Variants in MICAL2 observed in about 807,000 individuals in gnomAD.
MICAL2 encodes microtubule associated monooxygenase, calponin and LIM domain containing 2, also known as [F-actin]-monooxygenase MICAL2.
In MICAL2, 77 loss-of-function variants were observed where a neutral mutation model predicts 127.3. The ratio of observed to expected loss-of-function variants is 0.60; its 90% CI spans 0.50 to 0.73. The LOEUF (loss-of-function observed/expected upper bound fraction) is 0.73. MICAL2 is among the 30% of genes least tolerant of loss of function. MICAL2 has a pLI of 0.00. For synonymous variants in MICAL2, 570 were observed against 551.1 expected (o/e 1.03, Z -0.48); for missense variants, 1,351 against 1,434.4 (o/e 0.94, Z 0.94).
chr11:12,327,064 C>T (rs1312804195), intron 31 of MICAL2: 6 of 904,720 alleles, frequency 6.6e-6, no homozygotes, highest in Admixed American at 4.0e-5. Flanking sequence ...AAGGCAGGAC[C>T]ATCACAAGTG....
At chr11:12,171,926 A>T (rs1856309334) in intron 3 of MICAL2, among the ~76,000 whole-genome samples, 1 of 150,754 alleles carries the variant, frequency 6.6e-6, no homozygotes, top group African/African-American at 2.5e-5. Flanking sequence ...TAGTAAATAT[A>T]AAAAATGATT....
At chr11:12,224,617 G>A in intron 12 of MICAL2, 56 bp from the exon 13 acceptor site, 1 of 1,584,534 alleles carries the variant, frequency 6.3e-7, no homozygotes, top group South Asian at 1.1e-5. Context: ...GGAGCGCCAG[G>A]GCAGACCGTG....
At chr11:12,228,408 CT>C (rs1353117034) in intron 15 of MICAL2, among the ~76,000 whole-genome samples, 1 of 152,192 alleles carries the variant, frequency 6.6e-6, no homozygotes, top group East Asian at 1.9e-4. Flanking sequence ...TACTTCATTA[CT>C]TTGCCCCTAC....
Position 12,162,124 on chromosome 11 carries a change from G to A in MICAL2, c.-32G>A, listed in dbSNP as rs374819656. On this transcript the variant is annotated 5_prime_UTR_variant, in exon 3 of 28. Transcript: ENST00000683283. ...CTTCATGCTGTTCACCTGTGTCCTCGCCGCACCACTGCCGCACACGACTCC... is the reference window on the plus strand; with the variant it reads ...CTTCATGCTGTTCACCTGTGTCCTCACCGCACCACTGCCGCACACGACTCC... 5.0e-5 allele frequency: 81 copies of A among 1,613,048 alleles called. 1 individual carries two copies. Among genetic ancestry groups the A allele is most frequent in the South Asian group, 3.1e-4 (28 of 91,006 alleles).
In MICAL2 at chr11:12,325,476, G is replaced by A. The variant is rs571935954; in HGVS notation, c.5421+1406G>A. Among the ~76,000 whole-genome samples, 4 of 152,246 alleles carry A rather than the reference G, an allele frequency of 2.6e-5. No individual in the cohort carries two copies. The East Asian group carries it at 7.7e-4, about 29-fold the overall frequency. On this transcript the variant is annotated intron_variant, in intron 31 of 34. Coordinates refer to the MICAL2 transcript ENST00000646065. ...TGGGCTGCCATAACAAAGTACCACG[G>A]ACCGGATGGCTTAAACAACAGAAAC...
intron 29 of MICAL2, among the ~76,000 whole-genome samples, chr11:12,301,243 T>TA (rs920835373): frequency 2.6e-5 from 4 of 152,222 alleles, no homozygotes; most frequent in African/African-American, 9.6e-5. Flanking sequence ...TTCTGGGAGA[T>TA]ACAATTCAAG....
downstream of MICAL2, among the ~76,000 whole-genome samples, chr11:12,288,547 C>T (rs1863855555): frequency 6.6e-6 from 1 of 152,182 alleles, no homozygotes; most frequent in African/African-American, 2.4e-5. Flanking sequence ...CTTTAGTTAT[C>T]AAGGAGTATT....
chr11:12,310,763 G>A (rs1183749070), intron 29 of MICAL2, among the ~76,000 whole-genome samples: 1 of 152,090 alleles, frequency 6.6e-6, no homozygotes, highest in Non-Finnish European at 1.5e-5. Flanking sequence ...ATGGCTTTGG[G>A]TAGTATAGAC....
rs1422644278 is a variant in MICAL2 at position 12,262,778 on chromosome 11, T to G, written c.*17+241T>G. ...GTCTACCCCAAGTGCATGCCCCGCC[T>G]CTCCTCTCTCCCTTGGGTCTGCCTG... On this transcript the variant is annotated intron_variant, in intron 27 of 27. Transcript: ENST00000683283. 1.7e-5 allele frequency: 8 copies of G among 481,022 alleles called. No individual in the cohort carries two copies. The East Asian group carries it at 2.8e-4, about 17-fold the overall frequency. 29.8% of individuals were successfully genotyped at this position (481,022 alleles called of 1,614,324 possible).
At chr11:12,360,353 A>T (rs574259550), downstream of MICAL2, among the ~76,000 whole-genome samples, 13 of 152,306 alleles carry the variant, frequency 8.5e-5, no homozygotes, top group Admixed American at 3.3e-4. Flanking sequence ...TACATAAGCT[A>T]TTTAATATAC....
chr11:12,261,424 T>C (rs1863095643), intron 26 of MICAL2: 1 of 985,364 alleles, frequency 1.0e-6, no homozygotes, highest in Non-Finnish European at 1.2e-6. Flanking sequence ...ACCTGTGTTC[T>C]TACTCTGGGT....
At chr11:12,140,388 T>C (rs1200961037) in intron 2 of MICAL2, among the ~76,000 whole-genome samples, 1 of 152,186 alleles carries the variant, frequency 6.6e-6, no homozygotes, top group African/African-American at 2.4e-5. Flanking sequence ...TCCTACTGTT[T>C]ATAAATTCCA....
chr11:12,205,175 A>G (rs1854525019), intron 4 of MICAL2, among the ~76,000 whole-genome samples: 1 of 152,172 alleles, frequency 6.6e-6, no homozygotes, highest in Admixed American at 6.5e-5. Context: ...TTATATAGGG[A>G]GAGACGAGTG....
chr11:12,112,032 T>C (rs545475279), intron 1 of MICAL2, among the ~76,000 whole-genome samples: 1 of 152,320 alleles, frequency 6.6e-6, no homozygotes, highest in South Asian at 2.1e-4. Context: ...AATTTCATGG[T>C]TATTCCAAAA....
At chr11:12,146,039 C>T (rs963120386) in intron 2 of MICAL2, among the ~76,000 whole-genome samples, 1 of 152,102 alleles carries the variant, frequency 6.6e-6, no homozygotes, top group Non-Finnish European at 1.5e-5. Flanking sequence ...TGGATCCCTT[C>T]CTTACACCTT....
rs755898178 is a variant in MICAL2 at position 12,209,606 on chromosome 11, CTCT to C, written c.691+16_691+18del. Reference sequence around the variant, plus strand: ...GCAGGAACACCCTGGAAGGTGAAGACTCTTCTTCTTGGTGTGGGAATGGGGGGA... The same window carrying C: ...GCAGGAACACCCTGGAAGGTGAAGACTCTTCTTGGTGTGGGAATGGGGGGA... On this transcript the variant is annotated intron_variant, in intron 6 of 27. Transcript: ENST00000683283. 3.7e-6 allele frequency: 6 copies of C among 1,608,150 alleles called. No homozygotes were observed. Among genetic ancestry groups the C allele is most frequent in the East Asian group, 2.2e-5 (1 of 44,878 alleles).
At chr11:12,324,373 C>T (rs1235331118) in intron 31 of MICAL2, among the ~76,000 whole-genome samples, 1 of 152,206 alleles carries the variant, frequency 6.6e-6, no homozygotes, top group Admixed American at 6.5e-5. Context: ...TCCCTGACTG[C>T]CACATAGCAG....
chr11:12,244,436 T>C (rs1388588062), intron 21 of MICAL2, among the ~76,000 whole-genome samples: 4 of 152,206 alleles, frequency 2.6e-5, no homozygotes, highest in African/African-American at 7.2e-5. Context: ...AGATGGGAAA[T>C]AGCACATTAG....
chr11:12,258,161 A>G (rs988422402), intron 24 of MICAL2, among the ~76,000 whole-genome samples: 8 of 152,188 alleles, frequency 5.3e-5, no homozygotes, highest in Non-Finnish European at 1.0e-4. Context: ...CAGAGCTCCC[A>G]TGCCCTCTCC....
Sources: gnomAD v4.1 joint callset for allele counts (sites outside exome capture counted in the v4.1 genomes callset) on GRCh38, gnomAD v4.1.1 for gene constraint, MANE v1.5 for transcripts, NCBI Gene and HGNC (gene_info 2026-07-23, HGNC 2026-07-21) for gene names.